Variants in SHB observed in about 807,000 individuals in gnomAD.
The protein encoded by SHB is SH2 domain-containing adapter protein B.
Under a neutral mutation model 52.3 loss-of-function variants are expected in SHB, and 20 were observed. The observed-to-expected ratio is 0.38, with a 90% CI of 0.27 to 0.56. The LOEUF is 0.56. SHB is among the 20% of genes least tolerant of loss of function. The probability of loss-of-function intolerance (pLI) is 0.71; values close to 1 mark genes in which losing one functional copy is unlikely to be tolerated. For missense variants in SHB, 825 were observed against 723.3 expected (o/e 1.14, Z -1.61); for synonymous variants, 397 against 316.5 (o/e 1.25, Z -2.70).
At chr9:38,026,867 G>A (rs565163943) in intron 1 of SHB, among the ~76,000 whole-genome samples, 23 of 152,306 alleles carry the variant, frequency 1.5e-4, no homozygotes, top group African/African-American at 4.8e-4. Flanking sequence ...GTGCCTCCAC[G>A]TGCCAGGCAA....
At chr9:37,988,437 C>T (rs756637085) in intron 2 of SHB, among the ~76,000 whole-genome samples, 1 of 152,154 alleles carries the variant, frequency 6.6e-6, no homozygotes, top group African/African-American at 2.4e-5. Context: ...TTGTAACTTG[C>T]TAATGCTGTG....
intron 4 of SHB, among the ~76,000 whole-genome samples, chr9:37,953,569 C>T (rs1426069933): frequency 6.6e-6 from 1 of 152,110 alleles, no homozygotes; most frequent in East Asian, 1.9e-4. Flanking sequence ...CACCTTTCTG[C>T]TGTCCCAGGA....
chr9:37,939,881 A>G (rs2117865111), intron 5 of SHB, among the ~76,000 whole-genome samples: 1 of 152,294 alleles, frequency 6.6e-6, no homozygotes, highest in Non-Finnish European at 1.5e-5. Flanking sequence ...CTATTCCCAA[A>G]TATCAGGCCC....
chr9:38,038,138 T>G (rs1385238428), intron 1 of SHB, among the ~76,000 whole-genome samples: 2 of 152,172 alleles, frequency 1.3e-5, no homozygotes, highest in Admixed American at 6.5e-5. Context: ...CTCCCCATCC[T>G]ACGCCCCATG....
At chr9:38,004,902 C>A (rs1231532471) in intron 2 of SHB, among the ~76,000 whole-genome samples, 1 of 152,252 alleles carries the variant, frequency 6.6e-6, no homozygotes, top group Non-Finnish European at 1.5e-5. Context: ...AGGCATGAGA[C>A]CCAGTTCTGG....
intron 2 of SHB, among the ~76,000 whole-genome samples, chr9:38,004,076 A>C (rs1296046292): frequency 6.6e-6 from 1 of 151,942 alleles, no homozygotes; most frequent in African/African-American, 2.4e-5. Flanking sequence ...TTGGAACACA[A>C]CTCCCAGGTT....
chr9:38,028,438 TGG>T (rs1187834634), intron 1 of SHB, among the ~76,000 whole-genome samples: 1 of 152,196 alleles, frequency 6.6e-6, no homozygotes, highest in African/African-American at 2.4e-5. Context: ...ACCCTGCAGC[TGG>T]GGTGCTGGAA....
chr9:38,057,471 A>G (rs1821836630), intron 1 of SHB, among the ~76,000 whole-genome samples: 1 of 152,228 alleles, frequency 6.6e-6, no homozygotes, highest in African/African-American at 2.4e-5. Context: ...GTAAAAGGTT[A>G]GTCAAAAGAT....
At chr9:37,952,840 C>A (rs1268053200) in intron 4 of SHB, among the ~76,000 whole-genome samples, 5 of 151,776 alleles carry the variant, frequency 3.3e-5, no homozygotes, top group Non-Finnish European at 7.4e-5. Flanking sequence ...GATCAGGAGC[C>A]CAGTTTTGAA....
rs113044624 is a variant in SHB at position 37,955,486 on chromosome 9, A to T, written c.1226+397T>A. ...CATGCCTCAGTCTGGGTATTTATTT[A>T]TTTTTTTTTGAGACAGGGTCTCGCT... On this transcript the variant is annotated intron_variant, in intron 4 of 5. Transcript: ENST00000377707. Among the ~76,000 whole-genome samples, 31 of 150,802 alleles carry T rather than the reference A, an allele frequency of 2.1e-4. 1 individual carries two copies. The highest frequency in any genetic ancestry group is 4.4e-4 in the African/African-American group (18 of 41,064).
At chr9:37,964,629 T>TA (rs1250608188) in intron 3 of SHB, among the ~76,000 whole-genome samples, 3 of 152,144 alleles carry the variant, frequency 2.0e-5, no homozygotes, top group Non-Finnish European at 4.4e-5. Flanking sequence ...AGTCAACAGT[T>TA]AGACGTGAAC....
chr9:38,020,069 A>G (rs1484965425), intron 1 of SHB, among the ~76,000 whole-genome samples: 1 of 152,206 alleles, frequency 6.6e-6, no homozygotes, highest in Non-Finnish European at 1.5e-5. Flanking sequence ...TGGGAGATGC[A>G]CACTCCAAAC....
chr9:38,034,838 A>G (rs1821462443), intron 1 of SHB, among the ~76,000 whole-genome samples: 1 of 152,216 alleles, frequency 6.6e-6, no homozygotes, highest in African/African-American at 2.4e-5. Context: ...CTGGGATTAC[A>G]GGTGTGCACC....
At chr9:37,992,238 T>TA (rs1366357957) in intron 2 of SHB, among the ~76,000 whole-genome samples, 3 of 151,886 alleles carry the variant, frequency 2.0e-5, no homozygotes, top group Non-Finnish European at 4.4e-5. Flanking sequence ...CCGTCTCTAC[T>TA]AAAAATACAA....
In SHB at chr9:38,068,777, C is replaced by T. The variant is rs1267785763; in HGVS notation, c.-132G>A. On this transcript the variant is annotated 5_prime_UTR_variant, in exon 1 of 6. Coordinates refer to ENST00000377707, the MANE Select transcript of SHB (RefSeq NM_003028.3). ...GGGCGTCCGGGGCGCCCGCTCCCGA[C>T]GCCAAGTTCAAGTTCTTGCCGCCGC... The T allele has an allele frequency of 8.8e-6, 2 of 226,232 alleles. No individual in the cohort carries two copies. The highest frequency in any genetic ancestry group is 1.5e-5 in the Non-Finnish European group (2 of 133,052). The allele number at this position is 226,232 out of a possible 1,614,324, so 14.0% of individuals were successfully genotyped here.
rs182072058 is a variant in SHB at position 37,975,915 on chromosome 9, G to A, written c.839-1078C>T. On this transcript the variant is annotated intron_variant, in intron 2 of 5. Coordinates refer to ENST00000377707, the MANE Select transcript of SHB (RefSeq NM_003028.3). ...GCTCTGACAAGTGGAAGCAGGAGAG[G>A]GGTGGCTTCCTGGTGGTAGGACCAG... is the stretch of plus-strand genomic sequence containing the variant. Among the ~76,000 whole-genome samples, 461 of 152,320 alleles carry A rather than the reference G, an allele frequency of 3.0e-3. 1 individual carries two copies. The highest frequency in any genetic ancestry group is 6.8e-3 in the Middle Eastern group (2 of 294).
intron 1 of SHB, among the ~76,000 whole-genome samples, chr9:38,030,504 A>G (rs1009172823): frequency 2.0e-5 from 3 of 152,138 alleles, no homozygotes; most frequent in Non-Finnish European, 2.9e-5. Context: ...GCCGGGCCCA[A>G]TGCACTTTAT....
intron 3 of SHB, among the ~76,000 whole-genome samples, chr9:37,960,396 G>A (rs10114319): frequency 0.58 from 88,191 of 152,014 alleles, 25,831 homozygotes; most frequent in East Asian, 0.82. Context: ...TGCTACCCCC[G>A]TGAGTCATTA....
chr9:38,038,773 A>T (rs893353539), intron 1 of SHB, among the ~76,000 whole-genome samples: 1 of 152,110 alleles, frequency 6.6e-6, no homozygotes, highest in African/African-American at 2.4e-5. Flanking sequence ...CTGGGCATCT[A>T]GGAGGCCCCG....
Sources: allele counts gnomAD v4.1 joint callset (sites outside exome capture counted in the v4.1 genomes callset), GRCh38; gene constraint gnomAD v4.1.1; transcripts MANE v1.5; gene names NCBI Gene and HGNC (gene_info 2026-07-23, HGNC 2026-07-21).